The following FOXK2 variants were observed in gnomAD, a reference collection of about 807,000 sequenced individuals.
FOXK2 encodes the protein forkhead box K2.
FOXK2 carries 24 observed loss-of-function variants against 53.3 expected under a neutral mutation model. The ratio of observed to expected loss-of-function variants is 0.45; its 90% CI spans 0.33 to 0.63. FOXK2 has a LOEUF of 0.63. Ranked by LOEUF, FOXK2 falls within the 30% of genes least tolerant of loss-of-function variation. The pLI is 0.03. For missense variants in FOXK2, 952 were observed against 910.5 expected, an observed-to-expected ratio of 1.05 and a Z score of -0.59; for synonymous variants, 505 against 407.1, an observed-to-expected ratio of 1.24 and a Z score of -2.89.
chr17:82,570,024 C>G (rs1284223169), intron 3 of FOXK2, among the ~76,000 whole-genome samples: 1 of 150,106 alleles, frequency 6.7e-6, no homozygotes, highest in Non-Finnish European at 1.5e-5. Context: ...AGATCGAGAC[C>G]ATCCTGGCTA....
chr17:82,547,688 A>G (rs1313375489), intron 1 of FOXK2, among the ~76,000 whole-genome samples: 1 of 152,176 alleles, frequency 6.6e-6, no homozygotes, highest in Non-Finnish European at 1.5e-5. Flanking sequence ...GAGTTTTGAC[A>G]GCTGTATACA....
Position 82,587,281 on chromosome 17 carries a change from T to G in FOXK2, c.1786+9T>G, listed in dbSNP as rs772658693. The stretch of plus-strand genomic sequence containing the variant: ...CGGCCAGGTGAACAATGGTAAGACA[T>G]GCTGGTCGGTGGCTCCCCGTGGCTG... On this transcript the variant is annotated intron_variant, in intron 8 of 8. Transcript: ENST00000335255. 1.1e-5 allele frequency: 18 copies of G among 1,607,572 alleles called. No individual in the cohort carries two copies. In the Admixed American group the frequency reaches 2.0e-4, roughly 18 times the overall value.
intron 1 of FOXK2, among the ~76,000 whole-genome samples, chr17:82,556,054 A>ATAC (rs1486417494): frequency 6.6e-6 from 1 of 152,176 alleles, no homozygotes; most frequent in Non-Finnish European, 1.5e-5. Flanking sequence ...CTATTGAAGT[A>ATAC]TACTGTCTAT....
At chr17:82,587,581 C>A in intron 8 of FOXK2, 5 of 418,430 alleles carry the variant, frequency 1.2e-5, no homozygotes, top group South Asian at 8.8e-5. Context: ...CGGGAGCCGC[C>A]GCGTGTCTTT....
intron 3 of FOXK2, among the ~76,000 whole-genome samples, 166 bp downstream of exon 3, chr17:82,568,367 G>C (rs759496805): frequency 6.6e-5 from 10 of 152,198 alleles, no homozygotes; most frequent in Admixed American, 2.0e-4. Context: ...TCTTGGTATT[G>C]GGGCTTTTTG....
chr17:82,560,916 G>A (rs954406649), intron 1 of FOXK2, among the ~76,000 whole-genome samples: 3 of 152,080 alleles, frequency 2.0e-5, no homozygotes, highest in African/African-American at 4.8e-5. Flanking sequence ...GTCAGTGATC[G>A]TGCCACTGCT....
At chr17:82,595,834 C>T in intron 8 of FOXK2, 1 of 1,289,696 alleles carries the variant, frequency 7.8e-7, no homozygotes, top group South Asian at 1.2e-5. Context: ...GGAGTTGCCT[C>T]AGTTGACACA....
intron 1 of FOXK2, among the ~76,000 whole-genome samples, chr17:82,549,826 A>G (rs1338941675): frequency 6.6e-6 from 1 of 152,214 alleles, no homozygotes; most frequent in Non-Finnish European, 1.5e-5. Flanking sequence ...GCCATTTCCT[A>G]ATATTTATAC....
rs2045380987 is a variant in FOXK2 at position 82,601,346 on chromosome 17, A to G, written c.1830A>G (p.Ala610=). 1 of 1,613,326 alleles carries G rather than the reference A, an allele frequency of 6.2e-7. No individual in the cohort carries two copies. Among genetic ancestry groups the G allele is most frequent in the Non-Finnish European group, 8.5e-7 (1 of 1,180,028 alleles). ...ACATGTTGGCAACACACGCATCCGC[A>G]TCGGCCTCCCTGCCCACAAAGCGCC... ...PLHMLATHAS[A]SASLPTKRHN... The change falls in exon 9 of 9, where the codon GCA becomes GCG. Residue 610 remains alanine (A), a synonymous_variant. Transcript: ENST00000335255.
At position 82,595,782 on chromosome 17, in the gene FOXK2, G is replaced by A. The variant is rs898628531; in HGVS notation, c.1787-5521G>A. ...GGTCCTTTCCCACTCCTCTCCCCAGGGCCCCTTGGCCTCAGAAGGCCCCCA... is the reference window on the plus strand; with the variant it reads ...GGTCCTTTCCCACTCCTCTCCCCAGAGCCCCTTGGCCTCAGAAGGCCCCCA... On this transcript the variant is annotated intron_variant, in intron 8 of 8. Coordinates refer to ENST00000335255, the MANE Select transcript of FOXK2 (RefSeq NM_004514.4). 1.3e-5 allele frequency: 17 copies of A among 1,289,330 alleles called. No individual in the cohort carries two copies. The Admixed American group carries it at 3.4e-4, about 26-fold the overall frequency. The allele number at this position is 1,289,330 out of a possible 1,614,324, so 79.9% of individuals were successfully genotyped here. A position where few individuals can be genotyped will look rare whatever the true frequency, so the allele number is the denominator to read the frequency against.
At chr17:82,560,703 C>T (rs190738525) in intron 1 of FOXK2, among the ~76,000 whole-genome samples, 3 of 152,236 alleles carry the variant, frequency 2.0e-5, no homozygotes, top group Admixed American at 1.3e-4. Flanking sequence ...TTAAATATAT[C>T]ATTTATAGAC....
At chr17:82,527,865 A>G (rs1599877208) in intron 1 of FOXK2, among the ~76,000 whole-genome samples, 1 of 152,318 alleles carries the variant, frequency 6.6e-6, no homozygotes, top group South Asian at 2.1e-4. Flanking sequence ...CAGTGGCACC[A>G]TCATAGCTCA....
chr17:82,542,819 C>G (rs2044587363), intron 1 of FOXK2, among the ~76,000 whole-genome samples: 1 of 151,912 alleles, frequency 6.6e-6, no homozygotes, highest in African/African-American at 2.4e-5. Context: ...GAGTTCGAGA[C>G]CAGTCTAAGG....
At chr17:82,552,016 C>T (rs1049621471) in intron 1 of FOXK2, among the ~76,000 whole-genome samples, 12 of 152,246 alleles carry the variant, frequency 7.9e-5, no homozygotes, top group Middle Eastern at 3.4e-3. Context: ...TGGGCTCCCC[C>T]TTGTGGAGTC....
chr17:82,555,898 A>C lies in FOXK2; in HGVS notation c.420-7456A>C, dbSNP rs1415170611. On this transcript the variant is annotated intron_variant, in intron 1 of 8. Coordinates refer to ENST00000335255, the MANE Select transcript of FOXK2 (RefSeq NM_004514.4). ...AAGACTCTATCACAAAAAAAAAAAA[A>C]AAAAAAAAAAAAAAAAAAGAAATAG... is the stretch of plus-strand genomic sequence containing the variant. 1.2e-3 allele frequency among the ~76,000 whole-genome samples: 58 copies of C among 49,592 alleles called. 1 individual carries two copies. The highest frequency in any genetic ancestry group is 4.1e-3 in the African/African-American group (58 of 14,122). The allele number at this position is 49,592 out of a possible 152,430, so 32.5% of individuals were successfully genotyped here.
chr17:82,558,151 TG>T (rs754104622), intron 1 of FOXK2, among the ~76,000 whole-genome samples: 15 of 152,016 alleles, frequency 9.9e-5, no homozygotes, highest in Admixed American at 2.0e-4. Context: ...TGGGTGACAT[TG>T]GGAGACCTTG....
Position 82,563,558 on chromosome 17 carries a change from T to C in FOXK2, c.614+10T>C. The stretch of plus-strand genomic sequence containing the variant: ...CCACGGGAACCATCAGGTGCGGCCA[T>C]GGGGATGGGGGACTGGAGCATCCTT... On this transcript the variant is annotated intron_variant, in intron 2 of 8. Transcript: ENST00000335255. 1.2e-6 allele frequency: 2 copies of C among 1,609,236 alleles called. No individual in the cohort carries two copies. Among genetic ancestry groups the C allele is most frequent in the South Asian group, 2.2e-5 (2 of 90,790 alleles).
intron 7 of FOXK2, 62 bp downstream of exon 7, chr17:82,586,262 G>A: frequency 3.8e-6 from 2 of 528,606 alleles, no homozygotes; most frequent in Non-Finnish European, 3.3e-6. Flanking sequence ...GGCCGGGGGG[G>A]GAAAGGAGGA....
intron 1 of FOXK2, among the ~76,000 whole-genome samples, chr17:82,561,914 G>A (rs1244444806): frequency 6.6e-6 from 1 of 152,062 alleles, no homozygotes; most frequent in African/African-American, 2.4e-5. Context: ...TTGGGGGGGG[G>A]GGGTGCCCGC....
Sources: gnomAD v4.1 joint callset for allele counts (sites outside exome capture counted in the v4.1 genomes callset) on GRCh38, gnomAD v4.1.1 for gene constraint, MANE v1.5 for transcripts, NCBI Gene and HGNC (gene_info 2026-07-23, HGNC 2026-07-21) for gene names.